ADGRB3: variants seen among roughly 807,000 people sequenced by gnomAD.
ADGRB3 encodes the protein brain-specific angiogenesis inhibitor 3.
A neutral mutation model predicts 193.4 loss-of-function variants in ADGRB3; 37 were observed. The ratio of observed to expected loss-of-function variants is 0.19; its 90% CI spans 0.15 to 0.25. The LOEUF is 0.25. ADGRB3 is among the 10% of genes least tolerant of loss of function. The pLI is 1.00. For missense variants in ADGRB3, 1,637 were observed against 1,852.9 expected (o/e 0.88, Z 2.14); for synonymous variants, 690 against 644.2 (o/e 1.07, Z -1.08).
At chr6:69,137,417 C>G (rs557811440) in intron 17 of ADGRB3, among the ~76,000 whole-genome samples, 4 of 151,638 alleles carry the variant, frequency 2.6e-5, no homozygotes, top group Admixed American at 6.6e-5. Flanking sequence ...TGTGGCAAAT[C>G]AAACACACAC....
intron 17 of ADGRB3, among the ~76,000 whole-genome samples, chr6:69,190,249 C>T (rs957245544): frequency 1.1e-4 from 16 of 152,062 alleles, no homozygotes; most frequent in African/African-American, 3.6e-4. Flanking sequence ...CAGCTGTAAG[C>T]GTGTTATTGT....
chr6:68,807,387 C>A lies in ADGRB3; in HGVS notation c.758-123172C>A, dbSNP rs540687735. 1.1e-4 allele frequency among the ~76,000 whole-genome samples: 16 copies of A among 151,746 alleles called. 1 individual carries two copies. The highest frequency in any genetic ancestry group is 3.9e-4 in the African/African-American group (16 of 41,406). ...CCGAGTAGCTGGGACTACAGGCGCC[C>A]CCCACCTTGCCCGGGTAATTTTGTT... On this transcript the variant is annotated intron_variant, in intron 3 of 31. Coordinates refer to ENST00000370598, the MANE Select transcript of ADGRB3 (RefSeq NM_001704.3).
chr6:69,057,384 G>C (rs1771574920), intron 15 of ADGRB3, among the ~76,000 whole-genome samples: 1 of 151,922 alleles, frequency 6.6e-6, no homozygotes, highest in African/African-American at 2.4e-5. Context: ...TTCCCATTTG[G>C]ATGCCTTTTA....
chr6:69,065,762 T>C (rs2343398), intron 16 of ADGRB3, among the ~76,000 whole-genome samples: 37,242 of 122,416 alleles, frequency 0.3, 6,526 homozygotes, highest in East Asian at 0.87. Context: ...CATGTATATA[T>C]ATACACACAC....
At chr6:69,021,569 A>G (rs1770271429) in intron 13 of ADGRB3, among the ~76,000 whole-genome samples, 1 of 151,962 alleles carries the variant, frequency 6.6e-6, no homozygotes, top group Non-Finnish European at 1.5e-5. Context: ...TAACAAAGAA[A>G]TACTTTTTCC....
chr6:68,962,218 C>T (rs1486145154), intron 8 of ADGRB3, among the ~76,000 whole-genome samples: 1 of 152,166 alleles, frequency 6.6e-6, no homozygotes, highest in African/African-American at 2.4e-5. Context: ...CCACCTGTTG[C>T]TTTTAATAAA....
chr6:68,906,198 G>A (rs73747850), intron 3 of ADGRB3, among the ~76,000 whole-genome samples: 4,473 of 151,462 alleles, frequency 0.03, 195 homozygotes, highest in African/African-American at 0.1. Context: ...ATTATTAGTA[G>A]TTGTTCCTTA....
chr6:69,024,859 G>A (rs1289546581), intron 13 of ADGRB3, among the ~76,000 whole-genome samples: 3 of 152,094 alleles, frequency 2.0e-5, no homozygotes, highest in East Asian at 1.9e-4. Flanking sequence ...TTGGGAGGCC[G>A]AGGCAGGCGG....
chr6:68,790,109 T>G (rs1767069858), intron 3 of ADGRB3, among the ~76,000 whole-genome samples: 1 of 152,212 alleles, frequency 6.6e-6, no homozygotes, highest in Non-Finnish European at 1.5e-5. Flanking sequence ...TTTCCTCCTG[T>G]AGCTCAGAGT....
chr6:69,011,137 G>A (rs200763254), intron 11 of ADGRB3, among the ~76,000 whole-genome samples: 6 of 22,412 alleles, frequency 2.7e-4, no homozygotes, highest in Admixed American at 1.4e-3. Flanking sequence ...ACATATATAT[G>A]TGTGTGTGTG....
intron 16 of ADGRB3, among the ~76,000 whole-genome samples, chr6:69,072,975 A>G (rs189677629): frequency 1.5e-4 from 23 of 152,298 alleles, no homozygotes; most frequent in Admixed American, 3.9e-4. Flanking sequence ...ATCTGGATCT[A>G]TGCCGTCTGT....
intron 17 of ADGRB3, among the ~76,000 whole-genome samples, chr6:69,185,853 T>C (rs1267939641): frequency 6.6e-6 from 1 of 152,188 alleles, no homozygotes; most frequent in Non-Finnish European, 1.5e-5. Context: ...GAATCTGGTA[T>C]CTAATTCATT....
intron 6 of ADGRB3, among the ~76,000 whole-genome samples, chr6:68,946,681 CTG>C (rs1223815167): frequency 9.9e-5 from 15 of 152,096 alleles, no homozygotes; most frequent in Admixed American, 7.2e-4. Flanking sequence ...AAACCACAAA[CTG>C]TGTCTCCCAC....
At chr6:69,169,224 A>T (rs1775209449) in intron 17 of ADGRB3, among the ~76,000 whole-genome samples, 1 of 152,092 alleles carries the variant, frequency 6.6e-6, no homozygotes, top group African/African-American at 2.4e-5. Flanking sequence ...ATAAATTGTG[A>T]TTATGCAATT....
At chr6:68,757,001 C>G (rs1415786636) in intron 3 of ADGRB3, among the ~76,000 whole-genome samples, 1 of 152,126 alleles carries the variant, frequency 6.6e-6, no homozygotes, top group Non-Finnish European at 1.5e-5. Flanking sequence ...TCTTTCAGAT[C>G]TTCCCAAATC....
At position 68,750,334 on chromosome 6, in the gene ADGRB3, G is replaced by A. The variant is rs187448987; in HGVS notation, c.757+110902G>A. The stretch of plus-strand genomic sequence containing the variant: ...CATACAATTACAATCTATGTGACTC[G>A]GGGATAGGGTGAATTTTCAGAAAAG... On this transcript the variant is annotated intron_variant, in intron 3 of 31. Coordinates refer to ENST00000370598, the MANE Select transcript of ADGRB3 (RefSeq NM_001704.3). Among the ~76,000 whole-genome samples the A allele has an allele frequency of 7.7e-4, 117 of 152,130 alleles. 1 individual carries two copies. The highest frequency in any genetic ancestry group is 3.4e-3 in the Middle Eastern group (1 of 294).
At chr6:69,384,799 G>T (rs540047973) in intron 31 of ADGRB3, among the ~76,000 whole-genome samples, 3 of 151,864 alleles carry the variant, frequency 2.0e-5, no homozygotes, top group African/African-American at 7.3e-5. Flanking sequence ...AAAAAAATGC[G>T]ACTTCCTTAT....
intron 17 of ADGRB3, among the ~76,000 whole-genome samples, chr6:69,100,345 T>G (rs567890998): frequency 1.3e-5 from 2 of 152,142 alleles, no homozygotes; most frequent in South Asian, 4.2e-4. Flanking sequence ...GGATACAAAA[T>G]AACTAAAAAA....
chr6:69,238,095 G>C lies in ADGRB3; in HGVS notation c.2712-1029G>C, dbSNP rs564073480. On this transcript the variant is annotated intron_variant, in intron 19 of 31. Coordinates refer to ENST00000370598, the MANE Select transcript of ADGRB3 (RefSeq NM_001704.3). ...TACCTTGATTGTCCTCAAAGACAGG[G>C]AGAGAGAGAGACAGACAGACAGAGA... Among the ~76,000 whole-genome samples, 39 of 152,044 alleles carry C rather than the reference G, an allele frequency of 2.6e-4. No individual in the cohort carries two copies. The South Asian group carries it at 7.9e-3, about 31-fold the overall frequency.
Sources: gnomAD v4.1 joint callset for allele counts (sites outside exome capture counted in the v4.1 genomes callset) on GRCh38, gnomAD v4.1.1 for gene constraint, MANE v1.5 for transcripts, NCBI Gene and HGNC (gene_info 2026-07-23, HGNC 2026-07-21) for gene names.